Variants in LRRC9 observed in about 807,000 individuals in gnomAD.
LRRC9 encodes leucine-rich repeat-containing protein 9.
A neutral mutation model predicts 63.2 loss-of-function variants in LRRC9; 122 were observed. That is an observed-to-expected ratio of 1.93 (90% CI 1.67 to 2.24). The LOEUF (loss-of-function observed/expected upper bound fraction) is 2.24. LRRC9 is among the 30% of genes most tolerant of loss of function. The probability of loss-of-function intolerance (pLI) is 0.00; values close to 1 mark genes in which losing one functional copy is unlikely to be tolerated. For synonymous variants in LRRC9, 366 were observed against 213.1 expected (o/e 1.72, Z -6.25); for missense variants, 1,071 against 627.7 (o/e 1.71, Z -7.55).
chr14:60,019,395 G>A, intron 26 of LRRC9, 135 bp downstream of exon 26: 1 of 477,468 alleles, frequency 2.1e-6, no homozygotes, highest in Non-Finnish European at 3.7e-6. Context: ...TTATTTAATA[G>A]CTACATGCCA....
intron 8 of LRRC9, among the ~76,000 whole-genome samples, chr14:59,946,168 T>C (rs377705466): frequency 2.0e-5 from 3 of 151,550 alleles, no homozygotes; most frequent in East Asian, 3.9e-4. Context: ...AGTTATATAC[T>C]CAAGACAGAA....
intron 23 of LRRC9, among the ~76,000 whole-genome samples, chr14:60,011,657 T>C (rs1890268449): frequency 6.6e-6 from 1 of 152,188 alleles, no homozygotes; most frequent in Non-Finnish European, 1.5e-5. Context: ...ATGTATGAAT[T>C]AATAATTGGA....
At chr14:59,987,376 T>C (rs1222424693) in intron 17 of LRRC9, among the ~76,000 whole-genome samples, 1 of 148,672 alleles carries the variant, frequency 6.7e-6, no homozygotes. Context: ...AGGAAGTTTA[T>C]ATGCATTGTA....
chr14:60,018,601 T>G (rs1707383304), intron 25 of LRRC9, 122 bp downstream of exon 25: 1 of 349,554 alleles, frequency 2.9e-6, no homozygotes, highest in Non-Finnish European at 4.7e-6. Context: ...TTTCTTTGGG[T>G]TTTTTTTTGT....
At position 59,990,481 on chromosome 14, in the gene LRRC9, C is replaced by A. The variant is rs919916517; in HGVS notation, c.2211+5257C>A. The stretch of plus-strand genomic sequence containing the variant: ...TGCAATGGCATAATCATAGAGTACA[C>A]TGCAGCCTCAACTTCCTGGGCTCAA... On this transcript the variant is annotated intron_variant, in intron 17 of 31. Coordinates refer to ENST00000445360, the Ensembl canonical transcript of LRRC9. This position sits in a 1 kb window ranked among gnomAD's most constrained non-coding sequence, Gnocchi z 4.2. 1.3e-5 allele frequency among the ~76,000 whole-genome samples: 2 copies of A among 152,040 alleles called. No homozygotes were observed. Among genetic ancestry groups the A allele is most frequent in the Admixed American group, 6.6e-5 (1 of 15,260 alleles).
At chr14:59,987,883 T>C (rs140601280) in intron 17 of LRRC9, among the ~76,000 whole-genome samples, 5 of 152,230 alleles carry the variant, frequency 3.3e-5, no homozygotes, top group Non-Finnish European at 5.9e-5. Flanking sequence ...AGCATTCACA[T>C]AGAAAGTACA....
In LRRC9 at chr14:60,050,127, G is replaced by A. The variant is rs894545731; in HGVS notation, c.3991-2938G>A. On this transcript the variant is annotated intron_variant, in intron 29 of 31. Coordinates refer to ENST00000445360, the Ensembl canonical transcript of LRRC9. The stretch of plus-strand genomic sequence containing the variant: ...TTCTCCTGCCTCAGCCTCCTGAGTA[G>A]CTAAGATTACAGGCACACACCACCA... Among the ~76,000 whole-genome samples the A allele has an allele frequency of 9.9e-5, 15 of 152,144 alleles. 1 individual carries two copies. The highest frequency in any genetic ancestry group is 6.5e-4 in the Admixed American group (10 of 15,280).
intron 28 of LRRC9, among the ~76,000 whole-genome samples, chr14:60,029,020 A>C (rs964154216): frequency 2.6e-5 from 4 of 152,128 alleles, no homozygotes; most frequent in African/African-American, 7.2e-5. Flanking sequence ...GGGAATGTAC[A>C]TACAGATAAA....
intron 17 of LRRC9, among the ~76,000 whole-genome samples, chr14:59,992,910 C>T (rs1888314335): frequency 6.6e-6 from 1 of 152,162 alleles, no homozygotes; most frequent in South Asian, 2.1e-4. Flanking sequence ...AGAACTTCCC[C>T]AATCTAGCAA....
rs191408201 is a variant in LRRC9, at chr14:59,927,541, T to G, written c.-33-370T>G. On this transcript the variant is annotated intron_variant, in intron 1 of 31. Transcript: ENST00000445360. This position sits in a 1 kb window ranked among gnomAD's most constrained non-coding sequence, Gnocchi z 4.4. ...AATACAAAGGACAACTAGAGCCTGT[T>G]CAAAGGAGAGAAACATGAGTATATA... Among the ~76,000 whole-genome samples the G allele has an allele frequency of 4.9e-4, 75 of 152,146 alleles. No homozygotes were observed. Among genetic ancestry groups the G allele is most frequent in the African/African-American group, 1.8e-3 (73 of 41,544 alleles).
intron 8 of LRRC9, 54 bp from the exon 9 acceptor site, chr14:59,959,764 T>TG: frequency 2.0e-6 from 1 of 512,652 alleles, no homozygotes; most frequent in Non-Finnish European, 3.5e-6. Flanking sequence ...ATTCCGACTT[T>TG]GCCTAGACCA....
At chr14:59,952,770 C>T (rs1883306434) in intron 8 of LRRC9, among the ~76,000 whole-genome samples, 1 of 152,040 alleles carries the variant, frequency 6.6e-6, no homozygotes, top group South Asian at 2.1e-4. Context: ...TTAAGCCCCG[C>T]ATGCATTAGG....
At chr14:60,041,841 T>G (rs1892972555) in intron 29 of LRRC9, among the ~76,000 whole-genome samples, 6 of 152,240 alleles carry the variant, frequency 3.9e-5, no homozygotes, top group Admixed American at 3.9e-4. Context: ...TTTTAGAATT[T>G]TCAGCTTTTC....
rs1207354624 is a variant in LRRC9 at position 60,019,102 on chromosome 14, T to G, written c.3427-19T>G. On this transcript the variant is annotated intron_variant, in intron 25 of 31. Transcript: ENST00000445360. ...AATAATTTCTAGGATTTCTGATTAA[T>G]AAGATATTCTTTCTGTAGGTCTTAT... The G allele has an allele frequency of 1.1e-5, 7 of 654,220 alleles. No individual in the cohort carries two copies. Among genetic ancestry groups the G allele is most frequent in the African/African-American group, 1.8e-5 (1 of 54,784 alleles). 40.5% of individuals were successfully genotyped at this position (654,220 alleles called of 1,614,324 possible).
intron 15 of LRRC9, among the ~76,000 whole-genome samples, chr14:59,980,651 T>C (rs991094902): frequency 3.3e-5 from 5 of 152,258 alleles, no homozygotes; most frequent in African/African-American, 1.2e-4. Flanking sequence ...CTCCATTTAC[T>C]CAGGTCCTCT....
At chr14:59,924,137 G>C (rs944945753) in intron 1 of LRRC9, among the ~76,000 whole-genome samples, 2 of 152,286 alleles carry the variant, frequency 1.3e-5, no homozygotes, top group African/African-American at 4.8e-5. Context: ...AACACCATTT[G>C]GTGAATTTGG....
At chr14:59,996,436 G>A (rs1277790383) in intron 17 of LRRC9, among the ~76,000 whole-genome samples, 1 of 152,062 alleles carries the variant, frequency 6.6e-6, no homozygotes. Context: ...ACCTTATAAA[G>A]GAATGACTAA....
At chr14:59,976,006 C>A (rs219324) in intron 13 of LRRC9, among the ~76,000 whole-genome samples, 113,338 of 152,122 alleles carry the variant, frequency 0.75, 44,399 homozygotes, top group Non-Finnish European at 0.87. Context: ...CCTCCTGTCA[C>A]ATCAGTGGCA....
intron 17 of LRRC9, among the ~76,000 whole-genome samples, chr14:59,987,987 G>A (rs530851586): frequency 6.6e-6 from 1 of 152,270 alleles, no homozygotes; most frequent in South Asian, 2.1e-4. Context: ...CAGTATGAAT[G>A]CAGGGACTTA....
Sources: allele counts gnomAD v4.1 joint callset (sites outside exome capture counted in the v4.1 genomes callset), GRCh38; gene constraint gnomAD v4.1.1; non-coding constraint Gnocchi (gnomAD v3.1); transcripts MANE v1.5; gene names NCBI Gene and HGNC (gene_info 2026-07-23, HGNC 2026-07-21).